HS6ST3: variants seen among roughly 807,000 people sequenced by gnomAD.
HS6ST3 encodes heparan-sulfate 6-O-sulfotransferase 3.
A neutral mutation model predicts 36.7 loss-of-function variants in HS6ST3; 12 were observed. That is an observed-to-expected ratio of 0.33 (90% CI 0.21 to 0.53). HS6ST3 has a LOEUF of 0.53. HS6ST3 is among the 20% of genes least tolerant of loss of function. HS6ST3 has a pLI of 0.95. For synonymous variants in HS6ST3, 240 were observed against 257.5 expected (o/e 0.93, Z 0.65); for missense variants, 584 against 640.9 (o/e 0.91, Z 0.96).
intron 1 of HS6ST3, among the ~76,000 whole-genome samples, chr13:96,122,673 G>A (rs1458314773): frequency 6.6e-6 from 1 of 152,176 alleles, no homozygotes; most frequent in Non-Finnish European, 1.5e-5. Flanking sequence ...TAGTATACAA[G>A]TGGGGTGACT....
At chr13:96,369,327 T>TTG (rs1359716496) in intron 1 of HS6ST3, among the ~76,000 whole-genome samples, 8 of 152,130 alleles carry the variant, frequency 5.3e-5, no homozygotes, top group Non-Finnish European at 1.2e-4. Context: ...AGACAGATAC[T>TTG]TGATTATCAA....
At chr13:96,797,169 G>T (rs1374678073) in intron 1 of HS6ST3, among the ~76,000 whole-genome samples, 1 of 152,056 alleles carries the variant, frequency 6.6e-6, no homozygotes, top group Admixed American at 6.6e-5. Context: ...CCCAGACAAG[G>T]ATGCACAAGG....
intron 1 of HS6ST3, among the ~76,000 whole-genome samples, chr13:96,614,362 A>G (rs965919792): frequency 5.3e-5 from 8 of 150,470 alleles, no homozygotes; most frequent in Admixed American, 1.3e-4. Flanking sequence ...AAACATAGAG[A>G]TATCTCTTGG....
At chr13:96,502,738 G>A (rs1009788735) in intron 1 of HS6ST3, among the ~76,000 whole-genome samples, 4 of 152,158 alleles carry the variant, frequency 2.6e-5, no homozygotes, top group African/African-American at 4.8e-5. Flanking sequence ...TGTGCAGGTA[G>A]GTTATAGGCA....
At chr13:96,592,496 A>C (rs1180660278) in intron 1 of HS6ST3, among the ~76,000 whole-genome samples, 1 of 152,124 alleles carries the variant, frequency 6.6e-6, no homozygotes, top group African/African-American at 2.4e-5. Flanking sequence ...CTGTGTACTT[A>C]CTATTACCAG....
intron 1 of HS6ST3, among the ~76,000 whole-genome samples, chr13:96,149,635 TAAAG>T: frequency 6.6e-6 from 1 of 152,288 alleles, no homozygotes; most frequent in East Asian, 1.9e-4. Flanking sequence ...TTGGATCAAT[TAAAG>T]AAAATATAAT....
chr13:96,613,741 A>G (rs2056463960), intron 1 of HS6ST3, among the ~76,000 whole-genome samples: 2 of 152,230 alleles, frequency 1.3e-5, no homozygotes, highest in South Asian at 4.1e-4. Flanking sequence ...AGCAGTAAAT[A>G]CTAAATATTA....
intron 1 of HS6ST3, among the ~76,000 whole-genome samples, chr13:96,173,234 TATC>T (rs1228082830): frequency 6.6e-6 from 1 of 152,176 alleles, no homozygotes; most frequent in African/African-American, 2.4e-5. Flanking sequence ...TAGGTGTGAT[TATC>T]ATCATTTTAC....
intron 1 of HS6ST3, among the ~76,000 whole-genome samples, chr13:96,351,396 A>C (rs1442837530): frequency 6.7e-6 from 1 of 149,710 alleles, no homozygotes; most frequent in Non-Finnish European, 1.5e-5. Context: ...ATCATGGCTT[A>C]CTGCAGCCTT....
chr13:96,324,697 A>C (rs2055021715), intron 1 of HS6ST3, among the ~76,000 whole-genome samples: 1 of 152,218 alleles, frequency 6.6e-6, no homozygotes, highest in Non-Finnish European at 1.5e-5. Flanking sequence ...GGAACATTTG[A>C]ACACAGAGAC....
intron 1 of HS6ST3, among the ~76,000 whole-genome samples, chr13:96,827,700 A>G (rs997915334): frequency 1.3e-5 from 2 of 152,194 alleles, no homozygotes; most frequent in Non-Finnish European, 2.9e-5. Context: ...TATTTTACTC[A>G]TGTAAATATC....
At chr13:96,366,325 TAGCTG>T (rs1182645969) in intron 1 of HS6ST3, among the ~76,000 whole-genome samples, 3 of 151,996 alleles carry the variant, frequency 2.0e-5, no homozygotes, top group Non-Finnish European at 4.4e-5. Context: ...ATGCAAAAAT[TAGCTG>T]AGCGTGATGG....
intron 1 of HS6ST3, among the ~76,000 whole-genome samples, chr13:96,260,984 C>T (rs140611330): frequency 3.8e-4 from 58 of 152,156 alleles, no homozygotes; most frequent in African/African-American, 1.4e-3. Context: ...ACGTTAACCC[C>T]CTTTATAATG....
At chr13:96,123,239 A>G (rs925840861) in intron 1 of HS6ST3, among the ~76,000 whole-genome samples, 7 of 152,176 alleles carry the variant, frequency 4.6e-5, no homozygotes, top group Admixed American at 1.3e-4. Context: ...CTTATTACCA[A>G]TGCTTAACAA....
chr13:96,647,455 CT>C (rs548366997), intron 1 of HS6ST3, among the ~76,000 whole-genome samples: 3 of 151,930 alleles, frequency 2.0e-5, no homozygotes, highest in Non-Finnish European at 4.4e-5. Context: ...TCCTAATGCC[CT>C]TTTTTTCAGT....
intron 1 of HS6ST3, among the ~76,000 whole-genome samples, chr13:96,339,989 G>A (rs945465190): frequency 1.3e-5 from 2 of 152,250 alleles, no homozygotes; most frequent in Non-Finnish European, 2.9e-5. Context: ...GACTTTTTTG[G>A]TCCAGTTGCG....
At chr13:96,641,472 C>A (rs1042535737) in intron 1 of HS6ST3, among the ~76,000 whole-genome samples, 1 of 151,756 alleles carries the variant, frequency 6.6e-6, no homozygotes, top group African/African-American at 2.4e-5. Flanking sequence ...AAATCTCTGC[C>A]TCTTAATTGA....
At chr13:96,626,434 T>C (rs2056512727) in intron 1 of HS6ST3, among the ~76,000 whole-genome samples, 1 of 152,216 alleles carries the variant, frequency 6.6e-6, no homozygotes, top group African/African-American at 2.4e-5. Flanking sequence ...ACACGTGCTC[T>C]CAATTAAAGC....
At chr13:96,212,848 A>G (rs1315425456) in intron 1 of HS6ST3, among the ~76,000 whole-genome samples, 1 of 152,192 alleles carries the variant, frequency 6.6e-6, no homozygotes, top group Non-Finnish European at 1.5e-5. Flanking sequence ...GGCAGACTCT[A>G]CATGTTCAAA....
Sources: gnomAD v4.1 joint callset for allele counts (sites outside exome capture counted in the v4.1 genomes callset) on GRCh38, gnomAD v4.1.1 for gene constraint, MANE v1.5 for transcripts, NCBI Gene and HGNC (gene_info 2026-07-23, HGNC 2026-07-21) for gene names.